KPNA1: variants seen among roughly 807,000 people sequenced by gnomAD.
The protein encoded by KPNA1 is importin subunit alpha-5.
A neutral mutation model predicts 70.5 loss-of-function variants in KPNA1; 10 were observed. That is an observed-to-expected ratio of 0.14 (90% confidence interval 0.09 to 0.24). The LOEUF is 0.24. Among genes scored for constraint, KPNA1 ranks in the 10% least tolerant of loss-of-function variants. The probability of loss-of-function intolerance (pLI) is 1.00; values close to 1 mark genes in which losing one functional copy is unlikely to be tolerated. For missense variants in KPNA1, 397 were observed against 637.9 expected, an observed-to-expected ratio of 0.62 and a Z score of 4.07; for synonymous variants, 192 against 221.9, an observed-to-expected ratio of 0.87 and a Z score of 1.20.
chr3:122,431,283 A>T (rs1413808331), intron 12 of KPNA1, among the ~76,000 whole-genome samples: 1 of 152,082 alleles, frequency 6.6e-6, no homozygotes, highest in East Asian at 1.9e-4. Flanking sequence ...TTCCCACCTC[A>T]GCCTCCCAAG....
At chr3:122,457,903 A>G (rs1001394002) in intron 5 of KPNA1, 12 of 1,274,974 alleles carry the variant, frequency 9.4e-6, no homozygotes, top group Admixed American at 4.9e-5. Context: ...CCAGATAGCA[A>G]ACTCTGCAGA....
At chr3:122,474,293 C>T (rs539733688) in intron 2 of KPNA1, among the ~76,000 whole-genome samples, 2 of 152,066 alleles carry the variant, frequency 1.3e-5, no homozygotes, top group African/African-American at 4.8e-5. Context: ...CCTATAGATT[C>T]AATGCAATTA....
chr3:122,437,344 C>T (rs2076002758), intron 10 of KPNA1, 49 bp from the exon 11 acceptor site: 1 of 1,358,380 alleles, frequency 7.4e-7, no homozygotes, highest in Admixed American at 2.4e-5. Flanking sequence ...TTCTAAATAT[C>T]AATGTTTAAC....
chr3:122,513,249 TCA>T (rs1342543003), intron 1 of KPNA1, among the ~76,000 whole-genome samples: 1 of 152,204 alleles, frequency 6.6e-6, no homozygotes, highest in Non-Finnish European at 1.5e-5. Context: ...AACAGATACT[TCA>T]GATTCAAATG....
intron 5 of KPNA1, among the ~76,000 whole-genome samples, chr3:122,458,775 A>AGAT (rs2076291882): frequency 6.6e-6 from 1 of 152,216 alleles, no homozygotes; most frequent in South Asian, 2.1e-4. Context: ...AAAGCATGGT[A>AGAT]GATCATCAAG....
chr3:122,508,127 G>T (rs2076912403), intron 1 of KPNA1, among the ~76,000 whole-genome samples: 2 of 152,006 alleles, frequency 1.3e-5, no homozygotes, highest in South Asian at 4.1e-4. Flanking sequence ...AAATTATAAA[G>T]AAATTTTTTT....
intron 1 of KPNA1, among the ~76,000 whole-genome samples, chr3:122,498,672 A>G (rs1217345366): frequency 6.6e-6 from 1 of 152,024 alleles, no homozygotes; most frequent in Non-Finnish European, 1.5e-5. Flanking sequence ...TAAGTTTTGA[A>G]CTCGAAAAAT....
chr3:122,485,847 C>G (rs2076623697), intron 2 of KPNA1, among the ~76,000 whole-genome samples: 1 of 151,808 alleles, frequency 6.6e-6, no homozygotes, highest in South Asian at 2.1e-4. Context: ...TATTATTTGC[C>G]AATTAAAAAT....
intron 2 of KPNA1, among the ~76,000 whole-genome samples, chr3:122,488,424 A>G (rs2107489044): frequency 6.6e-6 from 1 of 152,242 alleles, no homozygotes; most frequent in East Asian, 1.9e-4. Flanking sequence ...AGGGAGGCTG[A>G]GGTGAATCAC....
intron 12 of KPNA1, among the ~76,000 whole-genome samples, chr3:122,431,106 A>G (rs1214300275): frequency 2.6e-5 from 4 of 152,232 alleles, no homozygotes; most frequent in East Asian, 1.9e-4. Context: ...CATGTGTTAT[A>G]TATGTATTAA....
chr3:122,449,552 C>A (rs41271427), intron 9 of KPNA1, 22 bp downstream of exon 9: 138 of 1,590,532 alleles, frequency 8.7e-5, no homozygotes, highest in Non-Finnish European at 1.1e-4. Flanking sequence ...AAAGTGGACA[C>A]ACTTTCTAAA....
At chr3:122,465,105 A>G (rs890924848) in intron 3 of KPNA1, among the ~76,000 whole-genome samples, 3 of 152,138 alleles carry the variant, frequency 2.0e-5, no homozygotes, top group African/African-American at 7.2e-5. Context: ...TTTACATTAC[A>G]CTATTTAAGT....
At chr3:122,437,749 C>A (rs1318130657) in intron 10 of KPNA1, among the ~76,000 whole-genome samples, 1 of 152,090 alleles carries the variant, frequency 6.6e-6, no homozygotes, top group East Asian at 1.9e-4. Context: ...AAGATATGAC[C>A]TCAGCTATCA....
Position 122,422,449 on chromosome 3 carries a change from A to C in KPNA1, c.*4536T>G, listed in dbSNP as rs1184372482. On this transcript the variant is annotated 3_prime_UTR_variant, in exon 14 of 14. Transcript: ENST00000344337. ...TTTGGCCTGAGAGGGCCTACACTCC[A>C]GTCTGTGTAACCTAAAAGCAACTTA... 1 of 152,026 alleles carries C rather than the reference A, an allele frequency of 6.6e-6. No homozygotes were observed. Among genetic ancestry groups the C allele is most frequent in the African/African-American group, 2.4e-5 (1 of 41,396 alleles). The allele number at this position is 152,026 out of a possible 1,614,324, so 9.4% of individuals were successfully genotyped here. A position where few individuals can be genotyped will look rare whatever the true frequency, so the allele number is the denominator to read the frequency against.
At chr3:122,499,741 A>G (rs930638824) in intron 1 of KPNA1, among the ~76,000 whole-genome samples, 1 of 151,004 alleles carries the variant, frequency 6.6e-6, no homozygotes, top group Non-Finnish European at 1.5e-5. Flanking sequence ...CCTGGGTGAC[A>G]GTGAAACCCT....
In KPNA1 at chr3:122,427,713, G is replaced by A; in HGVS notation, c.1254C>T (p.Tyr418=). The change falls in exon 13 of 14, where the codon TAC becomes TAT. Residue 418 remains tyrosine (Y), a synonymous_variant. Transcript: ENST00000344337. ...GCTTGATACAACCCAGTTCTACTAGGTACCTAAATACAAAGAATAATGTAG... is the reference window on the plus strand; with the variant it reads ...GCTTGATACAACCCAGTTCTACTAGATACCTAAATACAAAGAATAATGTAG... ...TSGGSAEQIK[Y]LVELGCIKPL... 6.4e-7 allele frequency: 1 copy of A among 1,565,862 alleles called. No homozygotes were observed.
At chr3:122,481,680 G>A (rs1183946052) in intron 2 of KPNA1, among the ~76,000 whole-genome samples, 3 of 152,224 alleles carry the variant, frequency 2.0e-5, no homozygotes, top group Non-Finnish European at 4.4e-5. Flanking sequence ...TACAGCGTGT[G>A]AATTATATCT....
In KPNA1 at chr3:122,484,649, A is replaced by T. The variant is rs140287005; in HGVS notation, c.129+11788T>A. Among the ~76,000 whole-genome samples, 1,038 of 152,056 alleles carry T rather than the reference A, an allele frequency of 6.8e-3. 6 individuals are homozygous for T. Among genetic ancestry groups the T allele is most frequent in the African/African-American group, 0.023 (975 of 41,520 alleles). The stretch of plus-strand genomic sequence containing the variant: ...CAGAGTGAGACTCCGTCTCAAAAAA[A>T]AATAATAATAAAAAAAATAAATAAA... On this transcript the variant is annotated intron_variant, in intron 2 of 13. Coordinates refer to ENST00000344337, the MANE Select transcript of KPNA1 (RefSeq NM_002264.4).
At chr3:122,487,406 C>T (rs2076641711) in intron 2 of KPNA1, among the ~76,000 whole-genome samples, 2 of 152,156 alleles carry the variant, frequency 1.3e-5, no homozygotes, top group South Asian at 2.1e-4. Context: ...ATCCCACTTA[C>T]GTGTATATGT....
Sources: gnomAD v4.1 joint callset for allele counts (sites outside exome capture counted in the v4.1 genomes callset) on GRCh38, gnomAD v4.1.1 for gene constraint, MANE v1.5 for transcripts, NCBI Gene and HGNC (gene_info 2026-07-23, HGNC 2026-07-21) for gene names.